Variants in PTPN7 observed in about 807,000 individuals in gnomAD.
PTPN7 encodes the protein protein tyrosine phosphatase non-receptor type 7, also known as tyrosine-protein phosphatase non-receptor type 7.
A neutral mutation model predicts 50.3 loss-of-function variants in PTPN7; 33 were observed. The ratio of observed to expected loss-of-function variants is 0.66; its 90% CI spans 0.50 to 0.88. The LOEUF (loss-of-function observed/expected upper bound fraction) is 0.88. Among genes scored for constraint, PTPN7 ranks in the 40% least tolerant of loss-of-function variants. The pLI is 0.00. For missense variants in PTPN7, 412 were observed against 475.4 expected (o/e 0.87, Z 1.24); for synonymous variants, 185 against 186.6 (o/e 0.99, Z 0.07).
chr1:202,157,805 C>G lies in PTPN7; in HGVS notation c.325G>C (p.Val109Leu). The part of the protein sequence containing the change: ...EEFLKIPSNF[V>L]SPEDLDIPGH... Reference sequence around the variant, plus strand: ...GGGATGTCCAGGTCTTCGGGGCTGACAAAGTTTGAAGGGATCTTCTGGCAG... The same window carrying G: ...GGGATGTCCAGGTCTTCGGGGCTGAGAAAGTTTGAAGGGATCTTCTGGCAG... Residue 109 changes from valine to leucine, a missense_variant, in exon 4 of 10, where the codon GTC becomes CTC. By Grantham distance (32) the Val-to-Leu change is conservative. Transcript: ENST00000691036. The G allele has an allele frequency of 6.2e-7, 1 of 1,614,130 alleles. No individual in the cohort carries two copies. Among genetic ancestry groups the G allele is most frequent in the Middle Eastern group, 1.6e-4 (1 of 6,062 alleles).
In PTPN7 at chr1:202,147,083, T is replaced by G. The variant is rs1014650803; in HGVS notation, c.*1523A>C. ...TCTGGAGCTTGTACCCTCTGAGCTC[T>G]GAGATGGGGTTGGGGGGACAGTGCC... On this transcript the variant is annotated 3_prime_UTR_variant, in exon 10 of 10. Coordinates refer to ENST00000691036, the MANE Select transcript of PTPN7 (RefSeq NM_002832.4). 1 of 152,046 alleles carries G rather than the reference T, an allele frequency of 6.6e-6. No homozygotes were observed. Among genetic ancestry groups the G allele is most frequent in the Non-Finnish European group, 1.5e-5 (1 of 68,056 alleles). The allele number at this position is 152,046 out of a possible 1,614,324, so 9.4% of individuals were successfully genotyped here. A position where few individuals can be genotyped will look rare whatever the true frequency, so the allele number is the denominator to read the frequency against.
At chr1:202,155,401 A>G in intron 5 of PTPN7, 132 bp downstream of exon 5, 3 of 882,138 alleles carry the variant, frequency 3.4e-6, no homozygotes, top group Non-Finnish European at 3.5e-6. Flanking sequence ...TGGTAGGGCT[A>G]TGACAGCAGT....
Position 202,159,262 on chromosome 1 carries a change from C to T in PTPN7, c.122+19G>A. 2 of 1,611,398 alleles carry T rather than the reference C, an allele frequency of 1.2e-6. No homozygotes were observed. Among genetic ancestry groups the T allele is most frequent in the South Asian group, 1.1e-5 (1 of 90,912 alleles). On this transcript the variant is annotated intron_variant, in intron 2 of 9. Coordinates refer to ENST00000691036, the MANE Select transcript of PTPN7 (RefSeq NM_002832.4). The surrounding 1 kb of genome is among the most constrained non-coding windows in gnomAD (Gnocchi z 4.6). ...GGGGCTCAGGGCTCGGAAGACCCCT[C>T]CCCCAGGGAAGATCTCACCTCTCCT...
chr1:202,157,790 G>C lies in PTPN7; in HGVS notation c.340C>G (p.Leu114Val). 1 of 1,614,204 alleles carries C rather than the reference G, an allele frequency of 6.2e-7. No homozygotes were observed. Among genetic ancestry groups the C allele is most frequent in the Middle Eastern group, 1.6e-4 (1 of 6,062 alleles). ...TTGGAGGCGTGGCCAGGGATGTCCA[G>C]GTCTTCGGGGCTGACAAAGTTTGAA... is the stretch of plus-strand genomic sequence containing the variant. ...IPSNFVSPEDLDIPGHASKDR... is the reference protein window; with the variant it reads ...IPSNFVSPEDVDIPGHASKDR... The change falls in exon 4 of 10, where the codon CTG becomes GTG. Residue 114 changes from leucine (L) to valine (V), a missense_variant. Transcript: ENST00000691036.
Position 202,158,101 on chromosome 1 carries a change from G to A in PTPN7, c.306+17C>T, listed in dbSNP as rs1292136390. The A allele has an allele frequency of 6.4e-7, 1 of 1,574,004 alleles. No individual in the cohort carries two copies. On this transcript the variant is annotated intron_variant, in intron 3 of 9. Transcript: ENST00000691036. ...TACAGAGGGCAGAGCGATTCAGAGG[G>A]GACCCCAATTTCTTACCAAGAATTC...
rs766195108 is a variant in PTPN7, at chr1:202,153,410, C to T, written c.717+315G>A. Among the ~76,000 whole-genome samples, 9 of 152,188 alleles carry T rather than the reference C, an allele frequency of 5.9e-5. 1 individual carries two copies. The South Asian group carries it at 8.3e-4, about 14-fold the overall frequency. On this transcript the variant is annotated intron_variant, in intron 7 of 9. Coordinates refer to ENST00000691036, the MANE Select transcript of PTPN7 (RefSeq NM_002832.4). ...AAGTGTTGGGATTACAGGCATGAGCCGCCACACCTGGCCTTCCACATCTCC... is the reference window on the plus strand; with the variant it reads ...AAGTGTTGGGATTACAGGCATGAGCTGCCACACCTGGCCTTCCACATCTCC...
In PTPN7 at chr1:202,159,627, C is replaced by T; in HGVS notation, c.-52-173G>A. On this transcript the variant is annotated intron_variant, in intron 1 of 9. Coordinates refer to ENST00000691036, the MANE Select transcript of PTPN7 (RefSeq NM_002832.4). The surrounding 1 kb of genome is among the most constrained non-coding windows in gnomAD (Gnocchi z 4.6). ...AGGATCTATTTGGTGGGACCCAGGG[C>T]AGAAGGCAGTCTCGGGGTAGAGTAA... The T allele has an allele frequency of 3.4e-6, 5 of 1,467,242 alleles. No individual in the cohort carries two copies. Among genetic ancestry groups the T allele is most frequent in the Non-Finnish European group, 4.5e-6 (5 of 1,112,634 alleles). 90.9% of individuals were successfully genotyped at this position (1,467,242 alleles called of 1,614,324 possible). A position where few individuals can be genotyped will look rare whatever the true frequency, so the allele number is the denominator to read the frequency against.
chr1:202,154,137 G>T (rs200072439), intron 6 of PTPN7, 49 bp downstream of exon 6: 3 of 1,610,414 alleles, frequency 1.9e-6, no homozygotes, highest in South Asian at 1.1e-5. Flanking sequence ...GGGGTGGGGT[G>T]GGCATAGCAC....
At position 202,148,443 on chromosome 1, in the gene PTPN7, C is replaced by G. The variant is rs547643367; in HGVS notation, c.*163G>C. The G allele has an allele frequency of 1.9e-5, 11 of 576,988 alleles. No homozygotes were observed. In the South Asian group the frequency reaches 2.4e-4, roughly 13 times the overall value. 35.7% of individuals were successfully genotyped at this position (576,988 alleles called of 1,614,324 possible). ...GAAGACCTGGAATCCGGCCCCTTGT[C>G]CTTACTGCTGCTGCTTCCTGTGACT... On this transcript the variant is annotated 3_prime_UTR_variant, in exon 10 of 10. Transcript: ENST00000691036.
intron 5 of PTPN7, 129 bp from the exon 6 acceptor site, chr1:202,154,452 G>A (rs971930358): frequency 4.6e-5 from 49 of 1,060,318 alleles, no homozygotes; most frequent in East Asian, 1.0e-4. Flanking sequence ...ACACATGCAC[G>A]AACACGCACA....
At chr1:202,160,678 C>T (rs1271332958), upstream of PTPN7, 2 of 1,550,524 alleles carry the variant, frequency 1.3e-6, no homozygotes, top group Admixed American at 2.0e-5. This position sits in a 1 kb window ranked among gnomAD's most constrained non-coding sequence, Gnocchi z 4.8. Context: ...CACGCACACC[C>T]CAGCTGCATT....
rs778445220 is a variant in PTPN7 at position 202,154,330 on chromosome 1, G to A, written c.469-7C>T. The stretch of plus-strand genomic sequence containing the variant: ...TCTCCTTCCCGTCATAGCCCTGGAA[G>A]GTGGAAGCACAGGGGAAGGGGTGGG... On this transcript the variant is annotated splice_polypyrimidine_tract_variant and splice_region_variant and intron_variant, in intron 5 of 9. Transcript: ENST00000691036. 2.1e-5 allele frequency: 34 copies of A among 1,608,722 alleles called. No homozygotes were observed. The South Asian group carries it at 3.3e-4, about 16-fold the overall frequency.
In PTPN7 at chr1:202,148,454, C is replaced by T; in HGVS notation, c.*152G>A. On this transcript the variant is annotated 3_prime_UTR_variant, in exon 10 of 10. Coordinates refer to ENST00000691036, the MANE Select transcript of PTPN7 (RefSeq NM_002832.4). ...ATCCGGCCCCTTGTCCTTACTGCTG[C>T]TGCTTCCTGTGACTGCAAGCACCAC... The T allele has an allele frequency of 6.7e-6, 4 of 600,832 alleles. No individual in the cohort carries two copies. In the South Asian group the frequency reaches 6.9e-5, roughly 10 times the overall value. 37.2% of individuals were successfully genotyped at this position (600,832 alleles called of 1,614,324 possible). A position where few individuals can be genotyped will look rare whatever the true frequency, so the allele number is the denominator to read the frequency against.
chr1:202,148,505 A>C lies in PTPN7; in HGVS notation c.*101T>G, dbSNP rs1655563137. 9.4e-7 allele frequency: 1 copy of C among 1,065,844 alleles called. No individual in the cohort carries two copies. Among genetic ancestry groups the C allele is most frequent in the Non-Finnish European group, 1.4e-6 (1 of 733,128 alleles). The allele number at this position is 1,065,844 out of a possible 1,614,324, so 66.0% of individuals were successfully genotyped here. ...TAAGGAGGCACTCCTTCCCCACACC[A>C]ACCCAAGGGGTACCCCCAGATCACT... On this transcript the variant is annotated 3_prime_UTR_variant, in exon 10 of 10. Coordinates refer to ENST00000691036, the MANE Select transcript of PTPN7 (RefSeq NM_002832.4).
Position 202,160,318 on chromosome 1 carries a change from G to A in PTPN7, c.-53+227C>T, listed in dbSNP as rs1355627554. ...TGTGAGTGGTAGAGCGAGGGTCTCT[G>A]GTAGCAGAAAAGGTCCCTTCAGCCT... is the stretch of plus-strand genomic sequence containing the variant. On this transcript the variant is annotated intron_variant, in intron 1 of 9. Coordinates refer to ENST00000691036, the MANE Select transcript of PTPN7 (RefSeq NM_002832.4). The surrounding 1 kb of genome is among the most constrained non-coding windows in gnomAD (Gnocchi z 4.8). 2.0e-5 allele frequency among the ~76,000 whole-genome samples: 3 copies of A among 152,030 alleles called. No individual in the cohort carries two copies. The highest frequency in any genetic ancestry group is 7.2e-5 in the African/African-American group (3 of 41,388).
intron 7 of PTPN7, among the ~76,000 whole-genome samples, chr1:202,152,996 T>A (rs144951161): frequency 6.6e-6 from 1 of 152,138 alleles, no homozygotes; most frequent in African/African-American, 2.4e-5. Context: ...ACCTGGAAAA[T>A]GGGAACAGTG....
intron 9 of PTPN7, chr1:202,149,923 C>T (rs1031615478): frequency 1.9e-5 from 3 of 154,038 alleles, no homozygotes; most frequent in African/African-American, 4.9e-5. Flanking sequence ...ATCTCCACCT[C>T]CTGGGTTCAA....
In PTPN7 at chr1:202,159,181, C is replaced by G. The variant is rs1479926750; in HGVS notation, c.122+100G>C. 1 of 1,235,594 alleles carries G rather than the reference C, an allele frequency of 8.1e-7. No homozygotes were observed. Among genetic ancestry groups the G allele is most frequent in the Non-Finnish European group, 1.2e-6 (1 of 857,558 alleles). The allele number at this position is 1,235,594 out of a possible 1,614,324, so 76.5% of individuals were successfully genotyped here. Reference sequence around the variant, plus strand: ...ATTGGAGTCAACAACTGAGGGCCCTCTGGACCCTGCTGTCAGAGCTGGAGG... The same window carrying G: ...ATTGGAGTCAACAACTGAGGGCCCTGTGGACCCTGCTGTCAGAGCTGGAGG... On this transcript the variant is annotated intron_variant, in intron 2 of 9. Transcript: ENST00000691036. This position sits in a 1 kb window ranked among gnomAD's most constrained non-coding sequence, Gnocchi z 4.6.
chr1:202,157,950 G>T lies in PTPN7; in HGVS notation c.307-127C>A. ...AATAGTATGTAGGCCTAGATGGGGTGGGGGCAGAAGGGGAAGCCTGGGGGC... is the reference window on the plus strand; with the variant it reads ...AATAGTATGTAGGCCTAGATGGGGTTGGGGCAGAAGGGGAAGCCTGGGGGC... On this transcript the variant is annotated intron_variant, in intron 3 of 9. Coordinates refer to ENST00000691036, the MANE Select transcript of PTPN7 (RefSeq NM_002832.4). The T allele has an allele frequency of 5.8e-6, 7 of 1,213,630 alleles. No homozygotes were observed. In the South Asian group the frequency reaches 7.2e-5, roughly 12 times the overall value. The allele number at this position is 1,213,630 out of a possible 1,614,324, so 75.2% of individuals were successfully genotyped here. A position where few individuals can be genotyped will look rare whatever the true frequency, so the allele number is the denominator to read the frequency against.
Sources: gnomAD v4.1 joint callset for allele counts (sites outside exome capture counted in the v4.1 genomes callset) on GRCh38, gnomAD v4.1.1 for gene constraint, Gnocchi (gnomAD v3.1) non-coding constraint, MANE v1.5 for transcripts, NCBI Gene and HGNC (gene_info 2026-07-23, HGNC 2026-07-21) for gene names.